Variants in DLGAP3 observed in about 807,000 individuals in gnomAD.
DLGAP3 encodes the protein DLG associated protein 3.
In DLGAP3, 17 loss-of-function variants were observed where a neutral mutation model predicts 81.2. The ratio of observed to expected loss-of-function variants is 0.21; its 90% CI spans 0.14 to 0.31. The LOEUF (loss-of-function observed/expected upper bound fraction) is 0.31, where lower values mean the gene tolerates loss of function less well. DLGAP3 is among the 10% of genes least tolerant of loss of function. The pLI, the probability that DLGAP3 is intolerant of heterozygous loss-of-function variation, is 1.00. For missense variants in DLGAP3, 1,124 were observed against 1,388.0 expected (o/e 0.81, Z 3.02); for synonymous variants, 577 against 587.4 (o/e 0.98, Z 0.26).
chr1:34,898,303 G>C (rs1468315087), intron 5 of DLGAP3, among the ~76,000 whole-genome samples: 1 of 152,208 alleles, frequency 6.6e-6, no homozygotes, highest in Non-Finnish European at 1.5e-5. Flanking sequence ...AGGATAAGCA[G>C]CCAGGGAGGG....
At chr1:34,919,792 A>C (rs1639770895) in intron 1 of DLGAP3, among the ~76,000 whole-genome samples, 1 of 152,044 alleles carries the variant, frequency 6.6e-6, no homozygotes, top group African/African-American at 2.4e-5. Context: ...AAGAAAAGAA[A>C]AGAAAAGAAC....
chr1:34,871,385 G>GT (rs1404235067), intron 8 of DLGAP3, among the ~76,000 whole-genome samples: 3 of 152,242 alleles, frequency 2.0e-5, no homozygotes, highest in East Asian at 3.9e-4. Flanking sequence ...CTTAAGTCCT[G>GT]TTTTACCTGT....
At chr1:34,906,231 G>A (rs1639555113) in intron 2 of DLGAP3, among the ~76,000 whole-genome samples, 1 of 151,266 alleles carries the variant, frequency 6.6e-6, no homozygotes, top group African/African-American at 2.4e-5. Context: ...TACCCAGGGA[G>A]ACATAAAATA....
At chr1:34,884,886 A>C (rs1639194037) in intron 8 of DLGAP3, 92 bp downstream of exon 8, 2 of 983,250 alleles carry the variant, frequency 2.0e-6, no homozygotes, top group Non-Finnish European at 3.3e-6. Context: ...GGAAAAGAGG[A>C]TGTGCAGGGA....
intron 1 of DLGAP3, among the ~76,000 whole-genome samples, chr1:34,914,585 A>C (rs1639689027): frequency 6.6e-6 from 1 of 152,208 alleles, no homozygotes; most frequent in African/African-American, 2.4e-5. Context: ...GGCCTCAAGG[A>C]AGCCTGTTTG....
chr1:34,928,561 C>T (rs1189886327), intron 1 of DLGAP3, among the ~76,000 whole-genome samples: 1 of 152,090 alleles, frequency 6.6e-6, no homozygotes, highest in South Asian at 2.1e-4. Flanking sequence ...GTCAGGGGTC[C>T]CCAGAGAAGT....
chr1:34,928,571 T>C (rs35040123), intron 1 of DLGAP3, among the ~76,000 whole-genome samples: 1 of 151,808 alleles, frequency 6.6e-6, no homozygotes, highest in Non-Finnish European at 1.5e-5. Flanking sequence ...CCCAGAGAAG[T>C]GGGGAATGAT....
chr1:34,884,049 GCTGAGACTACAGGA>G (rs1203918664), intron 8 of DLGAP3, among the ~76,000 whole-genome samples: 1 of 152,022 alleles, frequency 6.6e-6, no homozygotes, highest in African/African-American at 2.4e-5. Flanking sequence ...CTCTCGAGCA[GCTGAGACTACAGGA>G]GTGTGCCACC....
Position 34,866,202 on chromosome 1 carries a change from GCCGCTGCCGGTCCACGGAGT to G in DLGAP3, c.2801_2820del (p.Asp934AlafsTer245). ...GCCAGGAGCCGCTTGCGCGCTTCCT[GCCGCTGCCGGTCCACGGAGT>G]CCAGGGAGCGCTCCTTCACCGGCAC... On this transcript the variant is annotated frameshift_variant, in exon 12 of 12. Coordinates refer to ENST00000373347, the MANE Select transcript of DLGAP3 (RefSeq NM_001080418.3). LOFTEE classifies it high-confidence loss of function. 1 of 1,593,678 alleles carries G rather than the reference GCCGCTGCCGGTCCACGGAGT, an allele frequency of 6.3e-7. No homozygotes were observed. Among genetic ancestry groups the G allele is most frequent in the Non-Finnish European group, 8.5e-7 (1 of 1,175,676 alleles).
chr1:34,869,018 G>C lies in DLGAP3; in HGVS notation c.2072C>G (p.Ala691Gly). The C allele has an allele frequency of 6.2e-7, 1 of 1,603,670 alleles. No homozygotes were observed. Among genetic ancestry groups the C allele is most frequent in the Non-Finnish European group, 8.5e-7 (1 of 1,179,274 alleles). ...TTCTGTGGCCACCGTGGCCAGGCCT[G>C]CCAGGCCCTCCAGCTCCAGGTCTGC... Reference protein sequence around the residue: ...VQADLELEGLAGLATVATEDK... With the variant: ...VQADLELEGLGGLATVATEDK... The change falls in exon 9 of 12, where the codon GCA (alanine) becomes GGA (glycine). Residue 691 changes from alanine (A) to glycine (G), a missense_variant. Coordinates refer to ENST00000373347, the MANE Select transcript of DLGAP3 (RefSeq NM_001080418.3).
intron 11 of DLGAP3, among the ~76,000 whole-genome samples, chr1:34,866,749 G>T (rs1638887014): frequency 6.6e-6 from 1 of 151,348 alleles, no homozygotes; most frequent in South Asian, 2.1e-4. Context: ...CTTCCGTAAG[G>T]TCTACTTTTG....
intron 5 of DLGAP3, among the ~76,000 whole-genome samples, chr1:34,893,640 A>G (rs1014507390): frequency 2.0e-5 from 3 of 152,154 alleles, no homozygotes; most frequent in Non-Finnish European, 2.9e-5. Flanking sequence ...AGTAATAGCA[A>G]AAAGGGGGAA....
intron 1 of DLGAP3, among the ~76,000 whole-genome samples, chr1:34,914,803 A>C (rs938933054): frequency 3.3e-5 from 5 of 152,224 alleles, no homozygotes; most frequent in African/African-American, 1.2e-4. Flanking sequence ...AAAGGCTGTA[A>C]CTATCCATAC....
At chr1:34,872,356 T>C (rs935748121) in intron 8 of DLGAP3, among the ~76,000 whole-genome samples, 1 of 152,110 alleles carries the variant, frequency 6.6e-6, no homozygotes, top group African/African-American at 2.4e-5. Flanking sequence ...CAGCAGGTTG[T>C]CAGGAGGTGG....
chr1:34,921,652 G>C (rs534090827), intron 1 of DLGAP3, among the ~76,000 whole-genome samples: 3 of 152,206 alleles, frequency 2.0e-5, no homozygotes, highest in Non-Finnish European at 4.4e-5. Context: ...ATACATGCTG[G>C]TTGAATGAAT....
chr1:34,871,002 T>C (rs1380119127), intron 8 of DLGAP3, among the ~76,000 whole-genome samples: 5 of 152,224 alleles, frequency 3.3e-5, no homozygotes, highest in African/African-American at 4.8e-5. Flanking sequence ...TATACAATTA[T>C]AGAAATAGAT....
chr1:34,878,634 T>G (rs1639096861), intron 8 of DLGAP3, among the ~76,000 whole-genome samples: 1 of 152,166 alleles, frequency 6.6e-6, no homozygotes, highest in Admixed American at 6.5e-5. Flanking sequence ...GGTGAGACAT[T>G]TTTAACACAC....
At chr1:34,889,226 C>A (rs904682901) in intron 5 of DLGAP3, among the ~76,000 whole-genome samples, 1 of 152,192 alleles carries the variant, frequency 6.6e-6, no homozygotes, top group Non-Finnish European at 1.5e-5. Context: ...ACAACCAATT[C>A]TATCCAAGGC....
chr1:34,867,224 G>C lies in DLGAP3; in HGVS notation c.2578-33C>G, dbSNP rs561261266. ...AGAGGAAGATGGAGGGAAAGTGATTGGTCAAGGAGGTCTGAGCCCCAGCCA... is the reference window on the plus strand; with the variant it reads ...AGAGGAAGATGGAGGGAAAGTGATTCGTCAAGGAGGTCTGAGCCCCAGCCA... On this transcript the variant is annotated intron_variant, in intron 10 of 11. Coordinates refer to ENST00000373347, the MANE Select transcript of DLGAP3 (RefSeq NM_001080418.3). This position sits in a 1 kb window ranked among gnomAD's most constrained non-coding sequence, Gnocchi z 4.3. 40 of 1,613,592 alleles carry C rather than the reference G, an allele frequency of 2.5e-5. 1 individual carries two copies. The South Asian group carries it at 4.0e-4, about 16-fold the overall frequency.
Sources: allele counts gnomAD v4.1 joint callset (sites outside exome capture counted in the v4.1 genomes callset), GRCh38; gene constraint gnomAD v4.1.1; non-coding constraint Gnocchi (gnomAD v3.1); transcripts MANE v1.5; gene names NCBI Gene and HGNC (gene_info 2026-07-23, HGNC 2026-07-21).